The following IFT56 variants were observed in gnomAD, a reference collection of about 807,000 sequenced individuals.
IFT56 encodes the protein intraflagellar transport protein 56.
chr7:139,133,982 C>T, the IFT56 span: 1 of 1,213,526 alleles, frequency 8.2e-7, no homozygotes, highest in Non-Finnish European at 1.2e-6. Context: ...CCCAGCTCTC[C>T]CTGTGTTCCC....
chr7:139,172,707 G>A, the IFT56 span: 4 of 622,638 alleles, frequency 6.4e-6, no homozygotes, highest in African/African-American at 1.8e-5. Context: ...ACAAACAATC[G>A]CAGCAAATGT....
the IFT56 span, chr7:139,174,182 A>C: frequency 1.7e-6 from 1 of 593,676 alleles, no homozygotes; most frequent in South Asian, 1.4e-5. Flanking sequence ...CACTTATCCC[A>C]GCTTCTGTTC....
chr7:139,158,031 C>T, the IFT56 span, among the ~76,000 whole-genome samples: 36 of 151,566 alleles, frequency 2.4e-4, no homozygotes, highest in African/African-American at 8.0e-4. Flanking sequence ...CATACCTACC[C>T]GGCCAGGCAC....
At chr7:139,135,264 C>T in the IFT56 span, among the ~76,000 whole-genome samples, 5 of 119,758 alleles carry the variant, frequency 4.2e-5, no homozygotes, top group African/African-American at 1.0e-4. Context: ...GGCTACAAGG[C>T]GAGACTCCGT....
At chr7:139,162,020 A>G in the IFT56 span, among the ~76,000 whole-genome samples, 8 of 152,226 alleles carry the variant, frequency 5.3e-5, no homozygotes, top group Non-Finnish European at 1.0e-4. Flanking sequence ...ACAGATTAAT[A>G]TGGAAGGTTT....
the IFT56 span, chr7:139,189,371 AAGT>A: frequency 8.7e-6 from 14 of 1,613,646 alleles, no homozygotes; most frequent in Admixed American, 2.3e-4. Context: ...GGTAACACCC[AAGT>A]AGAATACATG....
the IFT56 span, among the ~76,000 whole-genome samples, chr7:139,148,822 G>A: frequency 0.022 from 3,401 of 151,800 alleles, 105 homozygotes; most frequent in African/African-American, 0.076. Context: ...TGGGGGGTTC[G>A]GGGGGCGGGT....
chr7:139,139,821 C>T, the IFT56 span: 3 of 965,392 alleles, frequency 3.1e-6, no homozygotes, highest in East Asian at 2.5e-5. Flanking sequence ...AATCCTATTC[C>T]ATTGTGGAAG....
chr7:139,169,161 G>C, the IFT56 span: 1 of 765,354 alleles, frequency 1.3e-6, no homozygotes, highest in Non-Finnish European at 2.1e-6. Context: ...ATGAGAATTA[G>C]TATTGTTTGG....
chr7:139,172,363 TGGGCAACTCA>T, the IFT56 span, among the ~76,000 whole-genome samples: 1 of 152,202 alleles, frequency 6.6e-6, no homozygotes, highest in African/African-American at 2.4e-5. Flanking sequence ...CTACAGTATG[TGGGCAACTCA>T]GGGCCTACCT....
the IFT56 span, among the ~76,000 whole-genome samples, chr7:139,169,728 C>T: frequency 6.6e-6 from 1 of 152,034 alleles, no homozygotes; most frequent in Non-Finnish European, 1.5e-5. Context: ...ATATTAAAAC[C>T]AGCCAGGCAT....
the IFT56 span, among the ~76,000 whole-genome samples, chr7:139,164,146 C>A: frequency 1.3e-5 from 2 of 152,148 alleles, no homozygotes; most frequent in African/African-American, 4.8e-5. Context: ...AGGGGAGTGG[C>A]CTGTTCCTGC....
At chr7:139,187,042 C>T in the IFT56 span, among the ~76,000 whole-genome samples, 1 of 138,604 alleles carries the variant, frequency 7.2e-6, no homozygotes, top group Non-Finnish European at 1.5e-5. Flanking sequence ...TGCAGTGAGC[C>T]GAGATTGCGC....
At chr7:139,166,154 C>T in the IFT56 span, among the ~76,000 whole-genome samples, 110 of 152,252 alleles carry the variant, frequency 7.2e-4, no homozygotes, top group African/African-American at 2.4e-3. Flanking sequence ...GACGGGGTTT[C>T]GCCATGTTGG....
the IFT56 span, among the ~76,000 whole-genome samples, chr7:139,153,112 G>A: frequency 6.7e-6 from 1 of 150,196 alleles, no homozygotes; most frequent in African/African-American, 2.5e-5. Context: ...TTGCGCCACT[G>A]CACTCCAGCC....
At chr7:139,176,901 C>T in the IFT56 span, among the ~76,000 whole-genome samples, 84 of 152,068 alleles carry the variant, frequency 5.5e-4, 2 homozygotes, top group South Asian at 0.016. Context: ...TGGCCAGGTG[C>T]GGTGGTTCAC....
At chr7:139,136,305 G>T in the IFT56 span, among the ~76,000 whole-genome samples, 9 of 152,224 alleles carry the variant, frequency 5.9e-5, no homozygotes, top group Non-Finnish European at 1.0e-4. Context: ...TCTTTACAGT[G>T]GGGGAGTTGG....
At chr7:139,176,385 A>C in the IFT56 span, among the ~76,000 whole-genome samples, 2 of 152,186 alleles carry the variant, frequency 1.3e-5, no homozygotes, top group East Asian at 3.8e-4. Context: ...GATTAATAAA[A>C]AATATTAAAA....
At chr7:139,190,606 G>C in the IFT56 span, 1 of 152,140 alleles carries the variant, frequency 6.6e-6, no homozygotes, top group Non-Finnish European at 1.5e-5. Context: ...ACTTATTAAT[G>C]TAACGATAAT....
Sources: allele counts gnomAD v4.1 joint callset (sites outside exome capture counted in the v4.1 genomes callset), GRCh38; gene constraint gnomAD v4.1.1; transcripts MANE v1.5; gene names NCBI Gene and HGNC (gene_info 2026-07-23, HGNC 2026-07-21).